Variants in LAMA2 observed in about 807,000 individuals in gnomAD.
The protein encoded by LAMA2 is laminin subunit alpha 2.
LAMA2 carries 269 observed loss-of-function variants against 364.8 expected under a neutral mutation model. That is an observed-to-expected ratio of 0.74 (90% confidence interval 0.67 to 0.82). The LOEUF (loss-of-function observed/expected upper bound fraction) is 0.82, where lower values mean the gene tolerates loss of function less well. Ranked by LOEUF, LAMA2 falls within the 40% of genes least tolerant of loss-of-function variation. The probability of loss-of-function intolerance (pLI) is 0.00; values close to 1 mark genes in which losing one functional copy is unlikely to be tolerated. For synonymous variants in LAMA2, 1,379 were observed against 1,370.6 expected (o/e 1.01, Z -0.14); for missense variants, 3,807 against 3,873.2 (o/e 0.98, Z 0.45).
chr6:128,915,433 T>C (rs1178151050), intron 1 of LAMA2, among the ~76,000 whole-genome samples: 1 of 152,184 alleles, frequency 6.6e-6, no homozygotes, highest in Non-Finnish European at 1.5e-5. Context: ...TTTCTGATTC[T>C]CTTAGTATTT....
intron 4 of LAMA2, among the ~76,000 whole-genome samples, chr6:129,102,395 A>G (rs1266700620): frequency 1.3e-5 from 2 of 151,956 alleles, no homozygotes; most frequent in Non-Finnish European, 2.9e-5. Flanking sequence ...TTGGCCTCCC[A>G]AAGTGCTAGG....
chr6:129,503,155 A>G lies in LAMA2; in HGVS notation c.8422A>G (p.Ile2808Val). ...ESGLLFYMAR[I>V]NHADFATVQL... ...CGGCTTGCTTTTTTACATGGCTCGC[A>G]TCAATCATGCTGATTTTGCAACAGT... Residue 2808 changes from isoleucine to valine, a missense_variant, in exon 60 of 65, where the codon ATC becomes GTC. Ile to Val is a conservative substitution (Grantham distance 29, BLOSUM62 3). Coordinates refer to ENST00000421865, the MANE Select transcript of LAMA2 (RefSeq NM_000426.4). 1.9e-6 allele frequency: 3 copies of G among 1,614,198 alleles called. No individual in the cohort carries two copies. The highest frequency in any genetic ancestry group is 2.5e-6 in the Non-Finnish European group (3 of 1,180,018).
chr6:129,023,940 TTTTGG>T (rs1785624323), intron 1 of LAMA2, among the ~76,000 whole-genome samples: 2 of 152,198 alleles, frequency 1.3e-5, no homozygotes, highest in African/African-American at 4.8e-5. Flanking sequence ...GTTGTTGTTG[TTTTGG>T]TTTGGTTTTA....
chr6:129,147,705 G>A (rs1403321867), intron 6 of LAMA2, among the ~76,000 whole-genome samples: 1 of 151,944 alleles, frequency 6.6e-6, no homozygotes, highest in Admixed American at 6.6e-5. Context: ...ATAGTATATG[G>A]AAAAATACAT....
intron 1 of LAMA2, among the ~76,000 whole-genome samples, chr6:128,909,912 A>G (rs1777777177): frequency 6.6e-6 from 1 of 151,476 alleles, no homozygotes; most frequent in Admixed American, 6.6e-5. Flanking sequence ...GTTTGGCTGG[A>G]TATGAAATTC....
At chr6:129,037,666 A>T (rs1422158351) in intron 1 of LAMA2, among the ~76,000 whole-genome samples, 3 of 140,764 alleles carry the variant, frequency 2.1e-5, no homozygotes, top group East Asian at 2.0e-4. Context: ...ATTTAATTTA[A>T]TTTTTTTTTT....
intron 37 of LAMA2, among the ~76,000 whole-genome samples, chr6:129,395,481 G>C (rs909592539): frequency 3.9e-5 from 6 of 152,196 alleles, no homozygotes; most frequent in Non-Finnish European, 5.9e-5. Flanking sequence ...ACAAATTCTT[G>C]GACCCCATCC....
Position 129,066,038 on chromosome 6 carries a change from G to GTATGTCTT in LAMA2, c.396+6143_396+6144insATGTCTTT, listed in dbSNP as rs59543848. 1.3e-3 allele frequency among the ~76,000 whole-genome samples: 47 copies of GTATGTCTT among 37,108 alleles called. 12 individuals are homozygous for GTATGTCTT. Among genetic ancestry groups the GTATGTCTT allele is most frequent in the South Asian group, 0.01 (7 of 684 alleles). 24.3% of individuals were successfully genotyped at this position (37,108 alleles called of 152,430 possible). ...TCTTTTGTAAATTGCCCAGTCTCAG[G>GTATGTCTT]TTTTTTTTTTTTTTTTTTTTTTTTT... On this transcript the variant is annotated intron_variant, in intron 3 of 64. Coordinates refer to ENST00000421865, the MANE Select transcript of LAMA2 (RefSeq NM_000426.4).
chr6:129,325,861 A>G (rs1267923713), intron 28 of LAMA2, among the ~76,000 whole-genome samples: 1 of 152,122 alleles, frequency 6.6e-6, no homozygotes, highest in Middle Eastern at 3.4e-3. Flanking sequence ...TTTTTTTGAG[A>G]TGGAGTCTCG....
Position 129,442,630 on chromosome 6 carries a change from A to AGTGATACCTCTT in LAMA2, c.6269-433_6269-432insGTGATACCTCTT, listed in dbSNP as rs1782175492. ...GAATTATTTATTTCATCACGCATGT[A>AGTGATACCTCTT]TTAAGCCTAGTACCCATTAGTTATT... On this transcript the variant is annotated intron_variant, in intron 43 of 64. Transcript: ENST00000421865. Among the ~76,000 whole-genome samples the AGTGATACCTCTT allele has an allele frequency of 2.6e-5, 4 of 152,246 alleles. No individual in the cohort carries two copies. The South Asian group carries it at 8.3e-4, about 32-fold the overall frequency.
At chr6:129,443,912 C>A (rs1045163315) in intron 44 of LAMA2, among the ~76,000 whole-genome samples, 1 of 152,058 alleles carries the variant, frequency 6.6e-6, no homozygotes, top group African/African-American at 2.4e-5. Context: ...AAACAATCAA[C>A]TTTGCTGACT....
intron 13 of LAMA2, 143 bp from the exon 14 acceptor site, chr6:129,251,941 A>T (rs569934392): frequency 9.0e-5 from 57 of 634,244 alleles, no homozygotes; most frequent in Middle Eastern, 4.3e-4. Context: ...TCTCCAAAAA[A>T]AAATAAATAA....
intron 52 of LAMA2, among the ~76,000 whole-genome samples, chr6:129,474,226 A>C (rs1373755961): frequency 6.6e-6 from 1 of 152,146 alleles, no homozygotes; most frequent in Admixed American, 6.6e-5. Context: ...ATCCCAGAAT[A>C]GCTGAAAAGT....
At chr6:129,306,973 T>A (rs1773918269) in intron 22 of LAMA2, among the ~76,000 whole-genome samples, 1 of 152,240 alleles carries the variant, frequency 6.6e-6, no homozygotes, top group Admixed American at 6.5e-5. Flanking sequence ...TTCTGAGTCA[T>A]ATTTTCTTGA....
At chr6:129,251,178 T>C (rs1786212213) in intron 13 of LAMA2, among the ~76,000 whole-genome samples, 1 of 150,100 alleles carries the variant, frequency 6.7e-6, no homozygotes, top group Admixed American at 6.7e-5. Context: ...TTGAGTGAAA[T>C]TATTTAGCAT....
intron 1 of LAMA2, among the ~76,000 whole-genome samples, chr6:128,998,495 T>C (rs1251806074): frequency 8.6e-6 from 1 of 116,680 alleles, no homozygotes; most frequent in Non-Finnish European, 1.7e-5. Flanking sequence ...ACCGGGTTCA[T>C]CTCACTAGGG....
chr6:129,418,430 G>A (rs1461318539), intron 40 of LAMA2, among the ~76,000 whole-genome samples: 3 of 151,868 alleles, frequency 2.0e-5, no homozygotes, highest in Non-Finnish European at 4.4e-5. Flanking sequence ...ATCAGGAATG[G>A]CTATGATAGT....
chr6:128,938,775 T>A (rs1452683168), intron 1 of LAMA2, among the ~76,000 whole-genome samples: 3 of 152,028 alleles, frequency 2.0e-5, no homozygotes, highest in African/African-American at 7.2e-5. Flanking sequence ...CATTTAAGAG[T>A]GACCAAAAGA....
At chr6:129,131,944 G>A (rs994436074) in intron 4 of LAMA2, among the ~76,000 whole-genome samples, 1 of 152,038 alleles carries the variant, frequency 6.6e-6, no homozygotes, top group Non-Finnish European at 1.5e-5. Context: ...TCTCCATCAC[G>A]TTCTTCTGTT....
Sources: gnomAD v4.1 joint callset for allele counts (sites outside exome capture counted in the v4.1 genomes callset) on GRCh38, gnomAD v4.1.1 for gene constraint, MANE v1.5 for transcripts, NCBI Gene and HGNC (gene_info 2026-07-23, HGNC 2026-07-21) for gene names.